The following TMEM125 variants were observed in gnomAD, a reference collection of about 807,000 sequenced individuals.
TMEM125 encodes transmembrane protein 125.
A neutral mutation model predicts 8.7 loss-of-function variants in TMEM125; 11 were observed. That is an observed-to-expected ratio of 1.26 (90% CI 0.79 to 2.08). TMEM125 has a LOEUF of 2.08. Ranked by LOEUF, TMEM125 falls within the 30% of genes most tolerant of loss-of-function variation. The pLI, the probability that TMEM125 is intolerant of heterozygous loss-of-function variation, is 0.00. For synonymous variants in TMEM125, 144 were observed against 146.1 expected (o/e 0.99, Z 0.10); for missense variants, 270 against 302.4 (o/e 0.89, Z 0.79).
In TMEM125 at chr1:43,273,383, C is replaced by G; in HGVS notation, c.*1C>G. 6.2e-7 allele frequency: 1 copy of G among 1,604,344 alleles called. No homozygotes were observed. The highest frequency in any genetic ancestry group is 8.5e-7 in the Non-Finnish European group (1 of 1,172,312). ...ATCCAGCATTGCCAGCCTCATCTGA[C>G]GGAGCCAGAGCCGTCCTTCTTCTCA... is the stretch of plus-strand genomic sequence containing the variant. On this transcript the variant is annotated 3_prime_UTR_variant, in exon 4 of 4. Coordinates refer to ENST00000439858, the MANE Select transcript of TMEM125 (RefSeq NM_144626.3).
rs1646511899 is a variant in TMEM125 at position 43,273,694 on chromosome 1, C to T, written c.*312C>T. On this transcript the variant is annotated 3_prime_UTR_variant, in exon 4 of 4. Coordinates refer to ENST00000439858, the MANE Select transcript of TMEM125 (RefSeq NM_144626.3). ...CTTGAGCCCCATTTCCAAGACCCCT[C>T]ACATCCAATCCTGTCCTGTAACATC... The T allele has an allele frequency of 4.6e-6, 2 of 434,594 alleles. No homozygotes were observed. Among genetic ancestry groups the T allele is most frequent in the Non-Finnish European group, 8.8e-6 (2 of 228,290 alleles). 26.9% of individuals were successfully genotyped at this position (434,594 alleles called of 1,614,324 possible).
intron 1 of TMEM125, among the ~76,000 whole-genome samples, chr1:43,270,359 G>A (rs1197466143): frequency 6.6e-6 from 1 of 151,910 alleles, no homozygotes; most frequent in Admixed American, 6.6e-5. Context: ...TGTGACGCAG[G>A]AGCTGGGGCA....
chr1:43,273,170 G>C lies in TMEM125; in HGVS notation c.448G>C (p.Val150Leu), dbSNP rs753217429. Residue 150 changes from valine (V) to leucine (L), a missense_variant, in exon 4 of 4, where the codon GTG (valine) becomes CTG (leucine). Val to Leu is a conservative substitution (Grantham distance 32). Coordinates refer to ENST00000439858, the MANE Select transcript of TMEM125 (RefSeq NM_144626.3). Reference sequence around the variant, plus strand: ...TCGGCCGCTGGCCGCCATGCTGTCTGTGGGCATTGCTCTGGCTGCCTTGGG... The same window carrying C: ...TCGGCCGCTGGCCGCCATGCTGTCTCTGGGCATTGCTCTGGCTGCCTTGGG... ...PARPLAAMLS[V>L]GIALAALGSL... 11 of 1,613,928 alleles carry C rather than the reference G, an allele frequency of 6.8e-6. No individual in the cohort carries two copies. Among genetic ancestry groups the C allele is most frequent in the Non-Finnish European group, 9.3e-6 (11 of 1,179,996 alleles).
rs1444658875 is a variant in TMEM125, at chr1:43,272,542, G to T, written c.-145-36G>T. 2 of 515,916 alleles carry T rather than the reference G, an allele frequency of 3.9e-6. No individual in the cohort carries two copies. Among genetic ancestry groups the T allele is most frequent in the Non-Finnish European group, 6.4e-6 (2 of 311,082 alleles). The allele number at this position is 515,916 out of a possible 1,614,324, so 32.0% of individuals were successfully genotyped here. A position where few individuals can be genotyped will look rare whatever the true frequency, so the allele number is the denominator to read the frequency against. ...CAGGTGGGACCGTGGGGGACAGGTG[G>T]GCTGGGAAGGTAAGACTGTGATCCT... On this transcript the variant is annotated intron_variant, in intron 3 of 3. Coordinates refer to ENST00000439858, the MANE Select transcript of TMEM125 (RefSeq NM_144626.3). This position sits in a 1 kb window ranked among gnomAD's most constrained non-coding sequence, Gnocchi z 5.0.
In TMEM125 at chr1:43,272,757, G is replaced by T; in HGVS notation, c.35G>T (p.Arg12Leu). 3 of 1,515,180 alleles carry T rather than the reference G, an allele frequency of 2.0e-6. No homozygotes were observed. The highest frequency in any genetic ancestry group is 2.2e-5 in the Admixed American group (1 of 46,190). The allele number at this position is 1,515,180 out of a possible 1,614,324, so 93.9% of individuals were successfully genotyped here. A position where few individuals can be genotyped will look rare whatever the true frequency, so the allele number is the denominator to read the frequency against. ...SEQEAQAPGGRGLPPDMLAEQ... is the reference protein window; with the variant it reads ...SEQEAQAPGGLGLPPDMLAEQ... ...CAGGAGGCTCAAGCCCCAGGGGGCC[G>T]GGGGCTGCCCCCGGACATGCTGGCA... Residue 12 changes from arginine (R) to leucine (L), a missense_variant, in exon 4 of 4, where the codon CGG (arginine) becomes CTG (leucine). This residue lies in a region of TMEM125 where 215 missense variants were observed against 216.5 expected (regional missense o/e 0.99). Coordinates refer to ENST00000439858, the MANE Select transcript of TMEM125 (RefSeq NM_144626.3). The surrounding 1 kb of genome is among the most constrained non-coding windows in gnomAD (Gnocchi z 5.0).
At position 43,273,489 on chromosome 1, in the gene TMEM125, C is replaced by T. The variant is rs960171275; in HGVS notation, c.*107C>T. Reference sequence around the variant, plus strand: ...AGTACACATGAGTGCGTGTATGCCCCCAGGCTGGGTCAGCTCTTCTGTGGA... The same window carrying T: ...AGTACACATGAGTGCGTGTATGCCCTCAGGCTGGGTCAGCTCTTCTGTGGA... On this transcript the variant is annotated 3_prime_UTR_variant, in exon 4 of 4. Transcript: ENST00000439858. 1 of 1,393,100 alleles carries T rather than the reference C, an allele frequency of 7.2e-7. No homozygotes were observed. Among genetic ancestry groups the T allele is most frequent in the Non-Finnish European group, 9.7e-7 (1 of 1,031,368 alleles). The allele number at this position is 1,393,100 out of a possible 1,614,324, so 86.3% of individuals were successfully genotyped here.
At position 43,272,663 on chromosome 1, in the gene TMEM125, G is replaced by A; in HGVS notation, c.-60G>A. On this transcript the variant is annotated 5_prime_UTR_variant, in exon 4 of 4. An upstream open reading frame in the 5' UTR loses its in-frame stop. Transcript: ENST00000439858. This position sits in a 1 kb window ranked among gnomAD's most constrained non-coding sequence, Gnocchi z 5.0. ...GCAGGTGGCAGGTGCTCCAGGCTGTGATCTGAACCCTCTGACCCCTGACAT... is the reference window on the plus strand; with the variant it reads ...GCAGGTGGCAGGTGCTCCAGGCTGTAATCTGAACCCTCTGACCCCTGACAT... 1 of 1,416,580 alleles carries A rather than the reference G, an allele frequency of 7.1e-7. No homozygotes were observed. Among genetic ancestry groups the A allele is most frequent in the Non-Finnish European group, 9.2e-7 (1 of 1,083,692 alleles). The allele number at this position is 1,416,580 out of a possible 1,614,324, so 87.8% of individuals were successfully genotyped here.
Position 43,272,534 on chromosome 1 carries a change from G to A in TMEM125, c.-145-44G>A. 1 of 500,282 alleles carries A rather than the reference G, an allele frequency of 2.0e-6. No individual in the cohort carries two copies. Among genetic ancestry groups the A allele is most frequent in the African/African-American group, 2.0e-5 (1 of 50,182 alleles). 31.0% of individuals were successfully genotyped at this position (500,282 alleles called of 1,614,324 possible). A position where few individuals can be genotyped will look rare whatever the true frequency, so the allele number is the denominator to read the frequency against. ...AAGGCTCCCAGGTGGGACCGTGGGG[G>A]ACAGGTGGGCTGGGAAGGTAAGACT... is the stretch of plus-strand genomic sequence containing the variant. On this transcript the variant is annotated intron_variant, in intron 3 of 3. Transcript: ENST00000439858. The surrounding 1 kb of genome is among the most constrained non-coding windows in gnomAD (Gnocchi z 5.0).
chr1:43,273,004 G>A lies in TMEM125; in HGVS notation c.282G>A (p.Met94Ile). 6.2e-7 allele frequency: 1 copy of A among 1,612,830 alleles called. No homozygotes were observed. The highest frequency in any genetic ancestry group is 1.1e-5 in the South Asian group (1 of 90,992). ...KQLMSSAVQD[M>I]NCIRQAHHVA... ...TGATGAGCTCGGCTGTGCAGGACAT[G>A]AACTGCATCCGCCAGGCCCACCATG... Residue 94 changes from methionine to isoleucine, a missense_variant, in exon 4 of 4, where the codon ATG (methionine) becomes ATA (isoleucine). Coordinates refer to ENST00000439858, the MANE Select transcript of TMEM125 (RefSeq NM_144626.3).
At position 43,273,038 on chromosome 1, in the gene TMEM125, C is replaced by A. The variant is rs1184280774; in HGVS notation, c.316C>A (p.Leu106Met). The A allele has an allele frequency of 6.2e-7, 1 of 1,612,194 alleles. No individual in the cohort carries two copies. The highest frequency in any genetic ancestry group is 8.5e-7 in the Non-Finnish European group (1 of 1,178,836). ...CIRQAHHVAL[L>M]RSGGGADALV... is the part of the protein sequence containing the mutation. ...CCGCCAGGCCCACCATGTGGCCCTG[C>A]TGCGCAGTGGTGGAGGGGCCGACGC... Residue 106 changes from leucine (L) to methionine (M), a missense_variant, in exon 4 of 4, where the codon CTG (leucine) becomes ATG (methionine). By Grantham distance (15) the Leu-to-Met change is conservative. Around this residue, in one of 3 missense-constraint regions of TMEM125, gnomAD observed 215 missense variants for 216.5 expected, o/e 0.99. Transcript: ENST00000439858.
Position 43,273,135 on chromosome 1 carries a change from CT to C in TMEM125, c.414del (p.Ala139ProfsTer34). Reference protein sequence around the residue: ...GLTLAGLAAAPAPARPLAAML... With the variant: ...GLTLAGLAAAXAPARPLAAML... The stretch of plus-strand genomic sequence containing the variant: ...ACCCTGGCCGGGCTGGCCGCCGCCC[CT>C]GCCCCTGCTCGGCCGCTGGCCGCCA... On this transcript the variant is annotated frameshift_variant, in exon 4 of 4. Transcript: ENST00000439858. LOFTEE classifies it high-confidence loss of function. 2 of 1,612,298 alleles carry C rather than the reference CT, an allele frequency of 1.2e-6. No homozygotes were observed. Among genetic ancestry groups the C allele is most frequent in the East Asian group, 2.2e-5 (1 of 44,822 alleles).
Position 43,271,018 on chromosome 1 carries a change from C to G in TMEM125, c.-302+225C>G, listed in dbSNP as rs1646487427. The G allele has an allele frequency of 6.6e-6, 1 of 152,328 alleles. No homozygotes were observed. The highest frequency in any genetic ancestry group is 6.5e-5 in the Admixed American group (1 of 15,286). The allele number at this position is 152,328 out of a possible 1,614,324, so 9.4% of individuals were successfully genotyped here. A position where few individuals can be genotyped will look rare whatever the true frequency, so the allele number is the denominator to read the frequency against. On this transcript the variant is annotated intron_variant, in intron 2 of 3. Coordinates refer to ENST00000439858, the MANE Select transcript of TMEM125 (RefSeq NM_144626.3). This position sits in a 1 kb window ranked among gnomAD's most constrained non-coding sequence, Gnocchi z 4.9. ...TTGAGAGCATCGGCACCAGCCCCCG[C>G]CCACCTCGGGGGTAGGGGTCAGCCT...
Position 43,272,885 on chromosome 1 carries a change from C to A in TMEM125, c.163C>A (p.Leu55Met), listed in dbSNP as rs1324687828. The change falls in exon 4 of 4, where the codon CTG becomes ATG. Residue 55 changes from leucine to methionine, a missense_variant. Physicochemically the swap from Leu to Met is conservative, Grantham distance 15. Transcript: ENST00000439858. The surrounding 1 kb of genome is among the most constrained non-coding windows in gnomAD (Gnocchi z 5.0). ...AGGCTGTGGCGCGGGCGGCGTGGCA[C>A]TGCTGTCAACCACCAGCAGCCGCTC... is the stretch of plus-strand genomic sequence containing the variant. Reference protein sequence around the residue: ...VAGCGAGGVALLSTTSSRSGE... With the variant: ...VAGCGAGGVAMLSTTSSRSGE... 6.3e-7 allele frequency: 1 copy of A among 1,588,684 alleles called. No homozygotes were observed. The highest frequency in any genetic ancestry group is 8.6e-7 in the Non-Finnish European group (1 of 1,164,780).
In TMEM125 at chr1:43,273,083, G is replaced by A; in HGVS notation, c.361G>A (p.Gly121Ser). 6.2e-7 allele frequency: 1 copy of A among 1,610,020 alleles called. No homozygotes were observed. The highest frequency in any genetic ancestry group is 8.5e-7 in the Non-Finnish European group (1 of 1,177,830). The change falls in exon 4 of 4, where the codon GGC becomes AGC. Residue 121 changes from glycine (G) to serine (S), a missense_variant. This residue lies in a region of TMEM125 where 215 missense variants were observed against 216.5 expected (regional missense o/e 0.99). Coordinates refer to ENST00000439858, the MANE Select transcript of TMEM125 (RefSeq NM_144626.3). ...CGACGCCCTCGTGGTGCTGCTCAGT[G>A]GCCTCGTGCTGCTGGTCACCGGCCT... ...GADALVVLLS[G>S]LVLLVTGLTL...
Position 43,273,506 on chromosome 1 carries a change from T to C in TMEM125, c.*124T>C. The C allele has an allele frequency of 8.0e-7, 1 of 1,244,388 alleles. No homozygotes were observed. Among genetic ancestry groups the C allele is most frequent in the Admixed American group, 2.6e-5 (1 of 38,906 alleles). 77.1% of individuals were successfully genotyped at this position (1,244,388 alleles called of 1,614,324 possible). On this transcript the variant is annotated 3_prime_UTR_variant, in exon 4 of 4. Transcript: ENST00000439858. Reference sequence around the variant, plus strand: ...GTATGCCCCCAGGCTGGGTCAGCTCTTCTGTGGATTGCATGGCGTGTGATT... The same window carrying C: ...GTATGCCCCCAGGCTGGGTCAGCTCCTCTGTGGATTGCATGGCGTGTGATT...
intron 2 of TMEM125, 136 bp downstream of exon 2, chr1:43,270,929 C>T (rs1245008423): frequency 6.6e-6 from 1 of 151,674 alleles, no homozygotes; most frequent in Non-Finnish European, 1.5e-5. Flanking sequence ...TTCAGACCAA[C>T]GAAGTCACAG....
rs142942435 is a variant in TMEM125 at position 43,273,158 on chromosome 1, G to A, written c.436G>A (p.Ala146Thr). The change falls in exon 4 of 4, where the codon GCC (alanine) becomes ACC (threonine). Residue 146 changes from alanine (A) to threonine (T), a missense_variant. Around this residue, in one of 3 missense-constraint regions of TMEM125, gnomAD observed 215 missense variants for 216.5 expected, o/e 0.99. Transcript: ENST00000439858. ...CCCTGCCCCTGCTCGGCCGCTGGCCGCCATGCTGTCTGTGGGCATTGCTCT... is the reference window on the plus strand; with the variant it reads ...CCCTGCCCCTGCTCGGCCGCTGGCCACCATGCTGTCTGTGGGCATTGCTCT... ...AAPAPARPLA[A>T]MLSVGIALAA... The A allele has an allele frequency of 0.015, 23,866 of 1,613,608 alleles. 241 individuals are homozygous for A. Among genetic ancestry groups the A allele is most frequent in the Non-Finnish European group, 0.018 (21,527 of 1,179,812 alleles).
rs201188298 is a variant in TMEM125, at chr1:43,272,846, G to A, written c.124G>A (p.Val42Met). The part of the protein sequence containing the change: ...RRSALCFVVA[V>M]GLVAGCGAGG... ...CTCGGCGCTCTGCTTCGTCGTGGCC[G>A]TGGGCCTCGTGGCAGGCTGTGGCGC... The change falls in exon 4 of 4, where the codon GTG becomes ATG. Residue 42 changes from valine to methionine, a missense_variant. Transcript: ENST00000439858. The surrounding 1 kb of genome is among the most constrained non-coding windows in gnomAD (Gnocchi z 5.0). The A allele has an allele frequency of 2.2e-3, 3,535 of 1,577,680 alleles. 7 individuals are homozygous for A. The highest frequency in any genetic ancestry group is 2.9e-3 in the Non-Finnish European group (3,390 of 1,159,084).
chr1:43,270,876 C>T (rs1646486368), intron 2 of TMEM125, 83 bp downstream of exon 2: 1 of 152,336 alleles, frequency 6.6e-6, no homozygotes, highest in Non-Finnish European at 1.5e-5. Flanking sequence ...CCACCCCGCC[C>T]CCAGCCTGAC....
Sources: allele counts gnomAD v4.1 joint callset (sites outside exome capture counted in the v4.1 genomes callset), GRCh38; gene constraint gnomAD v4.1.1; regional missense constraint gnomAD v4.1.1; non-coding constraint Gnocchi (gnomAD v3.1); transcripts MANE v1.5; gene names NCBI Gene and HGNC (gene_info 2026-07-23, HGNC 2026-07-21).